Variants in TGM7 observed in about 807,000 individuals in gnomAD.
TGM7 encodes the protein protein-glutamine gamma-glutamyltransferase Z.
TGM7 carries 74 observed loss-of-function variants against 79.5 expected under a neutral mutation model. That is an observed-to-expected ratio of 0.93 (90% confidence interval 0.77 to 1.13). The LOEUF is 1.13. Ranked by LOEUF, TGM7 falls within the 50% of genes most tolerant of loss-of-function variation. The pLI is 0.00. For missense variants in TGM7, 912 were observed against 905.9 expected, an observed-to-expected ratio of 1.01 and a Z score of -0.09; for synonymous variants, 354 against 362.5, an observed-to-expected ratio of 0.98 and a Z score of 0.27.
intron 12 of TGM7, 63 bp from the exon 13 acceptor site, chr15:43,276,677 G>T: frequency 6.4e-7 from 1 of 1,571,902 alleles, no homozygotes; most frequent in Non-Finnish European, 8.6e-7. Flanking sequence ...GGGGTGATCT[G>T]GTTCCCCTCT....
At chr15:43,297,836 C>T (rs1238862055) in intron 1 of TGM7, among the ~76,000 whole-genome samples, 1 of 152,310 alleles carries the variant, frequency 6.6e-6, no homozygotes, top group African/African-American at 2.4e-5. Context: ...TTACTTCCCA[C>T]CATGTGGTCA....
intron 9 of TGM7, among the ~76,000 whole-genome samples, chr15:43,281,088 G>A (rs1282797974): frequency 6.6e-6 from 1 of 152,234 alleles, no homozygotes; most frequent in Non-Finnish European, 1.5e-5. Context: ...ACCCCCACCT[G>A]TGGACTTCTC....
Position 43,292,882 on chromosome 15 carries a change from C to T in TGM7, c.266G>A (p.Trp89Ter). 4 of 1,613,956 alleles carry T rather than the reference C, an allele frequency of 2.5e-6. No individual in the cohort carries two copies. Among genetic ancestry groups the T allele is most frequent in the Non-Finnish European group, 2.5e-6 (3 of 1,180,008 alleles). Residue 89 changes from tryptophan to a stop codon, truncating the protein, a stop_gained, in exon 3 of 13, where the codon TGG becomes TAG. Coordinates refer to ENST00000452443, the MANE Select transcript of TGM7 (RefSeq NM_052955.3). LOFTEE classifies it high-confidence loss of function. ...GTCAATGGTGAAATCAGAAGCGCTC[C>T]AGACATTCCCGGGCTGGACCCGGGT... ...FLTRVQPGNV[W>*]SASDFTIDSN...
chr15:43,287,617 T>C lies in TGM7; in HGVS notation c.611A>G (p.Tyr204Cys). ...ICFEILNKSLYHLKNPAKDCS... is the reference protein window; with the variant it reads ...ICFEILNKSLCHLKNPAKDCS... ...GTCTTTGGCCGGGTTCTTTAAGTGATACAGGCTCTTGTTCAGGATCTCAAA... is the reference window on the plus strand; with the variant it reads ...GTCTTTGGCCGGGTTCTTTAAGTGACACAGGCTCTTGTTCAGGATCTCAAA... The change falls in exon 5 of 13, where the codon TAT becomes TGT. Residue 204 changes from tyrosine to cysteine, a missense_variant. Tyr to Cys is a radical substitution (Grantham distance 194). Transcript: ENST00000452443. 6.2e-7 allele frequency: 1 copy of C among 1,614,166 alleles called. No individual in the cohort carries two copies. Among genetic ancestry groups the C allele is most frequent in the Non-Finnish European group, 8.5e-7 (1 of 1,180,038 alleles).
At position 43,282,640 on chromosome 15, in the gene TGM7, G is replaced by A. The variant is rs201081707; in HGVS notation, c.1005-20C>T. On this transcript the variant is annotated intron_variant, in intron 7 of 12. Coordinates refer to ENST00000452443, the MANE Select transcript of TGM7 (RefSeq NM_052955.3). ...AAGTTCCTGCAGGAGGGAGTAAGGA[G>A]ACAAGGATTCATGTTAGCTGAGGTT... The A allele has an allele frequency of 3.2e-5, 51 of 1,569,690 alleles. No homozygotes were observed. The African/African-American group carries it at 5.6e-4, about 17-fold the overall frequency.
At chr15:43,291,109 G>T (rs2042961559) in intron 4 of TGM7, among the ~76,000 whole-genome samples, 1 of 152,190 alleles carries the variant, frequency 6.6e-6, no homozygotes, top group South Asian at 2.1e-4. Flanking sequence ...TGTTAAATAG[G>T]AGTGGTGAGA....
At chr15:43,294,619 A>T (rs2042983554) in intron 1 of TGM7, among the ~76,000 whole-genome samples, 1 of 152,136 alleles carries the variant, frequency 6.6e-6, no homozygotes, top group South Asian at 2.1e-4. Flanking sequence ...TTCTTTTGCG[A>T]CCTTTGCTGG....
intron 10 of TGM7, 41 bp from the exon 11 acceptor site, chr15:43,279,318 C>A: frequency 1.3e-6 from 2 of 1,593,736 alleles, no homozygotes; most frequent in Admixed American, 1.7e-5. Flanking sequence ...AGGACATGGA[C>A]CAGAGAGAGG....
At chr15:43,301,199 T>A (rs1036080065) in intron 1 of TGM7, among the ~76,000 whole-genome samples, 19 of 151,430 alleles carry the variant, frequency 1.3e-4, no homozygotes, top group African/African-American at 4.6e-4. Context: ...GACAGGCTGG[T>A]CTCGAACTCC....
chr15:43,302,129 A>C (rs1423644830), intron 1 of TGM7, 112 bp downstream of exon 1: 1 of 1,267,750 alleles, frequency 7.9e-7, no homozygotes, highest in African/African-American at 1.5e-5. Context: ...ATGAACTACC[A>C]ATCATCAATC....
At chr15:43,292,306 C>T (rs183651303) in intron 3 of TGM7, among the ~76,000 whole-genome samples, 52 of 152,292 alleles carry the variant, frequency 3.4e-4, no homozygotes, top group African/African-American at 1.2e-3. Context: ...TAAAAACCAA[C>T]GATCTTTTCT....
At chr15:43,295,904 C>T (rs545244571) in intron 1 of TGM7, among the ~76,000 whole-genome samples, 15 of 152,262 alleles carry the variant, frequency 9.9e-5, no homozygotes, top group African/African-American at 3.6e-4. Context: ...TTATTGGAAC[C>T]AGAAAATTTA....
chr15:43,301,807 G>T (rs916452306), intron 1 of TGM7, among the ~76,000 whole-genome samples: 4 of 152,030 alleles, frequency 2.6e-5, no homozygotes, highest in Non-Finnish European at 5.9e-5. Context: ...CAGGGGTGGG[G>T]GCAGCAACTC....
Position 43,300,171 on chromosome 15 carries a change from C to G in TGM7, c.10+2070G>C, listed in dbSNP as rs373051677. ...TCCACAAAATTCTTCCCAAGCATTT[C>G]AGAACATAGGGGATGTTTGCACTTG... On this transcript the variant is annotated intron_variant, in intron 1 of 12. Coordinates refer to ENST00000452443, the MANE Select transcript of TGM7 (RefSeq NM_052955.3). Among the ~76,000 whole-genome samples the G allele has an allele frequency of 1.3e-4, 20 of 152,316 alleles. No individual in the cohort carries two copies. The South Asian group carries it at 2.3e-3, about 17-fold the overall frequency.
intron 1 of TGM7, among the ~76,000 whole-genome samples, chr15:43,295,360 A>AGG (rs1392051025): frequency 1.3e-5 from 2 of 152,134 alleles, no homozygotes; most frequent in Non-Finnish European, 2.9e-5. Context: ...GGAGGCCAAG[A>AGG]AGGGTGAATC....
chr15:43,293,433 G>A lies in TGM7; in HGVS notation c.193+16C>T, dbSNP rs1438872726. On this transcript the variant is annotated intron_variant, in intron 2 of 12. Transcript: ENST00000452443. ...TTTGACGGAACCTGCGGGGCCTTGG[G>A]ACAGGGCAAACTCACCGGTCTCAGC... The A allele has an allele frequency of 1.3e-6, 2 of 1,583,708 alleles. No individual in the cohort carries two copies. Among genetic ancestry groups the A allele is most frequent in the African/African-American group, 1.3e-5 (1 of 74,222 alleles).
At position 43,281,992 on chromosome 15, in the gene TGM7, G is replaced by T; in HGVS notation, c.1203C>A (p.Asn401Lys). Residue 401 changes from asparagine (N) to lysine (K), a missense_variant, in exon 9 of 13, where the codon AAC becomes AAA. Transcript: ENST00000452443. ...CAAGGAGCCAAATGACTTCATCGGC[G>T]TTCACCTCGGCATACACAAAAGGGG... ...YDTPFVYAEV[N>K]ADEVIWLLGD... 6.2e-7 allele frequency: 1 copy of T among 1,614,180 alleles called. No homozygotes were observed. The highest frequency in any genetic ancestry group is 1.1e-5 in the South Asian group (1 of 91,084).
intron 1 of TGM7, 21 bp from the exon 2 acceptor site, chr15:43,293,652 G>T (rs1333507483): frequency 7.6e-6 from 12 of 1,574,486 alleles, no homozygotes; most frequent in Non-Finnish European, 1.0e-5. Context: ...GGAGGGGACA[G>T]GTCACGCCCA....
intron 1 of TGM7, among the ~76,000 whole-genome samples, chr15:43,300,561 G>A (rs934211308): frequency 6.6e-6 from 1 of 152,194 alleles, no homozygotes; most frequent in African/African-American, 2.4e-5. Flanking sequence ...CAGCACTTTG[G>A]GAGGCTGAGG....
Sources: allele counts gnomAD v4.1 joint callset (sites outside exome capture counted in the v4.1 genomes callset), GRCh38; gene constraint gnomAD v4.1.1; transcripts MANE v1.5; gene names NCBI Gene and HGNC (gene_info 2026-07-23, HGNC 2026-07-21).